Variants in ADAM23 observed in about 807,000 individuals in gnomAD.
ADAM23 encodes disintegrin and metalloproteinase domain-containing protein 23.
A neutral mutation model predicts 120.1 loss-of-function variants in ADAM23; 33 were observed. The observed-to-expected ratio is 0.27, with a 90% CI of 0.21 to 0.37. ADAM23 has a LOEUF of 0.37. Among genes scored for constraint, ADAM23 ranks in the 10% least tolerant of loss-of-function variants. ADAM23 has a pLI of 1.00. For synonymous variants in ADAM23, 367 were observed against 375.2 expected (o/e 0.98, Z 0.25); for missense variants, 862 against 1,058.2 (o/e 0.81, Z 2.57).
chr2:206,553,671 T>TG (rs1486943038), intron 9 of ADAM23, among the ~76,000 whole-genome samples: 2 of 152,164 alleles, frequency 1.3e-5, no homozygotes, highest in East Asian at 3.9e-4. Context: ...TTCTATGAGA[T>TG]GAAGGTTGTT....
chr2:206,496,691 C>CA (rs1423994471), intron 3 of ADAM23, among the ~76,000 whole-genome samples: 3 of 152,030 alleles, frequency 2.0e-5, no homozygotes, highest in African/African-American at 7.2e-5. Context: ...AAAAACCCTT[C>CA]AAAAAATCAA....
At chr2:206,571,324 A>G (rs183489069) in intron 16 of ADAM23, among the ~76,000 whole-genome samples, 6 of 150,714 alleles carry the variant, frequency 4.0e-5, no homozygotes, top group African/African-American at 1.5e-4. Flanking sequence ...AAATACAAAA[A>G]ATTAGCCGGG....
At chr2:206,615,966 T>G (rs1433151983) in intron 25 of ADAM23, among the ~76,000 whole-genome samples, 1 of 150,868 alleles carries the variant, frequency 6.6e-6, no homozygotes, top group African/African-American at 2.5e-5. Context: ...CAGTGCTAGC[T>G]TGGTTTGCCC....
intron 3 of ADAM23, among the ~76,000 whole-genome samples, chr2:206,489,264 TTG>T (rs1433852191): frequency 6.6e-6 from 1 of 152,182 alleles, no homozygotes; most frequent in Non-Finnish European, 1.5e-5. Context: ...GGCAGGCCTT[TTG>T]TGTCATTGCT....
In ADAM23 at chr2:206,601,407, C is replaced by A. The variant is rs186255247; in HGVS notation, c.2359+5245C>A. 2.3e-3 allele frequency among the ~76,000 whole-genome samples: 344 copies of A among 152,182 alleles called. 2 individuals carry two copies. Among genetic ancestry groups the A allele is most frequent in the Non-Finnish European group, 3.6e-3 (242 of 68,010 alleles). ...GGTTAACAAAGAGTGAGAGGCAGAG[C>A]CAATAATATAACATAATCACCTTAT... On this transcript the variant is annotated intron_variant, in intron 24 of 25. Transcript: ENST00000264377.
intron 3 of ADAM23, among the ~76,000 whole-genome samples, chr2:206,507,769 A>G (rs1559239301): frequency 6.6e-6 from 1 of 152,214 alleles, no homozygotes; most frequent in Non-Finnish European, 1.5e-5. Context: ...TCTCACTGAT[A>G]TAAAAATGCA....
rs369128400 is a variant in ADAM23, at chr2:206,588,162, G to C, written c.1852+8G>C. ...AGTACATCTGGGGAACAAGTAGGTC[G>C]CACCTCCTTGCTTGGCGGTTACACA... On this transcript the variant is annotated splice_region_variant and intron_variant, in intron 20 of 25. Transcript: ENST00000264377. 1.1e-5 allele frequency: 17 copies of C among 1,613,482 alleles called. No individual in the cohort carries two copies. Among genetic ancestry groups the C allele is most frequent in the Non-Finnish European group, 1.4e-5 (17 of 1,179,696 alleles).
At position 206,588,094 on chromosome 2, in the gene ADAM23, C is replaced by T. The variant is rs755389842; in HGVS notation, c.1792C>T (p.Arg598Cys). 7 of 1,614,034 alleles carry T rather than the reference C, an allele frequency of 4.3e-6. No homozygotes were observed. Among genetic ancestry groups the T allele is most frequent in the South Asian group, 2.2e-5 (2 of 91,078 alleles). ...ACATGTGTGCTCCTGTCCCCAGGGC[C>T]GCTGCTACAATGGCGAGTGCAAGAC... ...DGYACNQNQG[R>C]CYNGECKTRD... is the part of the protein sequence containing the mutation. The change falls in exon 20 of 26, where the codon CGC (arginine) becomes TGC (cysteine). Residue 598 changes from arginine to cysteine, a missense_variant. By Grantham distance (180) the Arg-to-Cys change is radical (BLOSUM62 -3). Transcript: ENST00000264377.
chr2:206,548,770 A>G (rs1323043300), intron 8 of ADAM23, among the ~76,000 whole-genome samples: 3 of 152,180 alleles, frequency 2.0e-5, no homozygotes, highest in African/African-American at 7.2e-5. Flanking sequence ...AATGTTGGCT[A>G]ATCATACATA....
chr2:206,532,044 T>C (rs1332319385), intron 4 of ADAM23, among the ~76,000 whole-genome samples: 1 of 152,220 alleles, frequency 6.6e-6, no homozygotes, highest in Admixed American at 6.5e-5. Context: ...TTATTAGTTG[T>C]CAGTTCTTGC....
chr2:206,492,245 A>G (rs184050475), intron 3 of ADAM23, among the ~76,000 whole-genome samples: 1 of 152,306 alleles, frequency 6.6e-6, no homozygotes, highest in East Asian at 1.9e-4. Flanking sequence ...AAATGTCTCA[A>G]CTCAGGCCTA....
intron 3 of ADAM23, among the ~76,000 whole-genome samples, chr2:206,506,692 T>A (rs1696503604): frequency 6.6e-6 from 1 of 152,234 alleles, no homozygotes; most frequent in Non-Finnish European, 1.5e-5. Flanking sequence ...TCTAGTCTGT[T>A]TATTTTTCTG....
chr2:206,531,294 C>T (rs528148693), intron 4 of ADAM23, among the ~76,000 whole-genome samples: 6 of 152,194 alleles, frequency 3.9e-5, no homozygotes, highest in South Asian at 2.1e-4. Flanking sequence ...GCTGTTAGAA[C>T]GGTTCTTTAG....
intron 2 of ADAM23, among the ~76,000 whole-genome samples, chr2:206,466,061 A>T (rs1695536027): frequency 6.6e-6 from 1 of 152,218 alleles, no homozygotes; most frequent in Non-Finnish European, 1.5e-5. Context: ...GATATTGTAT[A>T]TGACAATGTA....
chr2:206,445,310 C>T lies in ADAM23; in HGVS notation c.218C>T (p.Pro73Leu). 6.2e-7 allele frequency: 1 copy of T among 1,613,416 alleles called. No homozygotes were observed. The highest frequency in any genetic ancestry group is 8.5e-7 in the Non-Finnish European group (1 of 1,179,564). The change falls in exon 2 of 26, where the codon CCG (proline) becomes CTG (leucine). Residue 73 changes from proline to leucine, a missense_variant. By Grantham distance (98) the Pro-to-Leu change is moderately conservative. Coordinates refer to ENST00000264377, the MANE Select transcript of ADAM23 (RefSeq NM_003812.4). ...RAWGAAAPSAPHWNETAEKNL... is the reference protein window; with the variant it reads ...RAWGAAAPSALHWNETAEKNL... ...CCCACCCCCCTACCTCCACCAGCTC[C>T]GCATTGGAATGAAACTGCAGAAAAA...
chr2:206,515,085 G>A (rs1015283695), intron 3 of ADAM23, among the ~76,000 whole-genome samples: 2 of 152,052 alleles, frequency 1.3e-5, no homozygotes, highest in Admixed American at 1.3e-4. Context: ...GTATAGTCGT[G>A]ATCATAGGTC....
At chr2:206,513,126 C>T (rs150073958) in intron 3 of ADAM23, among the ~76,000 whole-genome samples, 48 of 152,180 alleles carry the variant, frequency 3.2e-4, no homozygotes, top group African/African-American at 1.0e-3. Flanking sequence ...AACCTTATAC[C>T]GGCCTCTATG....
chr2:206,512,407 T>C (rs1036935349), intron 3 of ADAM23, among the ~76,000 whole-genome samples: 4 of 152,196 alleles, frequency 2.6e-5, no homozygotes, highest in South Asian at 2.1e-4. Context: ...AATTGCTAGC[T>C]ATTTCAAAAA....
chr2:206,553,236 C>T (rs1041243229), intron 9 of ADAM23, among the ~76,000 whole-genome samples: 3 of 151,764 alleles, frequency 2.0e-5, no homozygotes, highest in East Asian at 1.9e-4. Context: ...TATATATATA[C>T]ACACACACAC....
Sources: allele counts gnomAD v4.1 joint callset (sites outside exome capture counted in the v4.1 genomes callset), GRCh38; gene constraint gnomAD v4.1.1; transcripts MANE v1.5; gene names NCBI Gene and HGNC (gene_info 2026-07-23, HGNC 2026-07-21).